SULF2: variants seen among roughly 807,000 people sequenced by gnomAD.
The protein encoded by SULF2 is sulfatase 2, also known as extracellular sulfatase Sulf-2.
A neutral mutation model predicts 107.7 loss-of-function variants in SULF2; 52 were observed. The ratio of observed to expected loss-of-function variants is 0.48; its 90% CI spans 0.39 to 0.61. SULF2 has a LOEUF of 0.61. Ranked by LOEUF, SULF2 falls within the 20% of genes least tolerant of loss-of-function variation. SULF2 has a pLI of 0.00. For missense variants in SULF2, 993 were observed against 1,177.3 expected, an observed-to-expected ratio of 0.84 and a Z score of 2.29; for synonymous variants, 460 against 464.3, an observed-to-expected ratio of 0.99 and a Z score of 0.12.
intron 1 of SULF2, among the ~76,000 whole-genome samples, chr20:47,774,619 G>A (rs1233372665): frequency 6.6e-6 from 1 of 152,142 alleles, no homozygotes; most frequent in East Asian, 1.9e-4. Context: ...TACTTATACT[G>A]GACTTTCAAA....
chr20:47,731,224 A>T (rs1600597000), intron 3 of SULF2, among the ~76,000 whole-genome samples: 1 of 93,718 alleles, frequency 1.1e-5, no homozygotes, highest in Non-Finnish European at 1.9e-5. Flanking sequence ...ACAGAGTCTT[A>T]CTCTGTCACC....
At chr20:47,758,594 C>A (rs1171457151) in intron 1 of SULF2, among the ~76,000 whole-genome samples, 1 of 152,170 alleles carries the variant, frequency 6.6e-6, no homozygotes, top group Non-Finnish European at 1.5e-5. Flanking sequence ...CCAGGTCAGA[C>A]TAGGTCACCA....
In SULF2 at chr20:47,658,267, A is replaced by G. The variant is rs757559760; in HGVS notation, c.*95T>C. ...TGCTTTCTCAGGCCTCCTGGCCAAT[A>G]CCACAGGTCTGCTGGAAATCACCCA... On this transcript the variant is annotated 3_prime_UTR_variant, in exon 21 of 21. Transcript: ENST00000688720. The G allele has an allele frequency of 8.1e-6, 11 of 1,357,642 alleles. No individual in the cohort carries two copies. The highest frequency in any genetic ancestry group is 1.2e-5 in the Non-Finnish European group (11 of 946,036). The allele number at this position is 1,357,642 out of a possible 1,614,324, so 84.1% of individuals were successfully genotyped here.
At position 47,678,949 on chromosome 20, in the gene SULF2, T is replaced by C; in HGVS notation, c.1065-145A>G. 1 of 690,320 alleles carries C rather than the reference T, an allele frequency of 1.4e-6. No individual in the cohort carries two copies. Among genetic ancestry groups the C allele is most frequent in the Non-Finnish European group, 2.5e-6 (1 of 395,676 alleles). The allele number at this position is 690,320 out of a possible 1,614,324, so 42.8% of individuals were successfully genotyped here. On this transcript the variant is annotated intron_variant, in intron 7 of 20. Coordinates refer to ENST00000688720, the MANE Select transcript of SULF2 (RefSeq NM_001387048.1). This position sits in a 1 kb window ranked among gnomAD's most constrained non-coding sequence, Gnocchi z 4.5. ...GAAGCTGCAGTCTGGCACCTCAACC[T>C]CAGCAGCTCCCCTCTGCGGCCCAGA...
At chr20:47,684,270 A>T in intron 6 of SULF2, 161 bp downstream of exon 6, 2 of 665,928 alleles carry the variant, frequency 3.0e-6, no homozygotes, top group Non-Finnish European at 2.4e-6. Context: ...TTTTGTCTGG[A>T]TTGCTCCAAG....
intron 3 of SULF2, among the ~76,000 whole-genome samples, chr20:47,710,314 A>G (rs2088885556): frequency 6.6e-6 from 1 of 150,622 alleles, no homozygotes; most frequent in Admixed American, 6.6e-5. Flanking sequence ...CTGGGAATAC[A>G]CGCATGAGCC....
chr20:47,774,511 T>G (rs2090690479), intron 1 of SULF2, among the ~76,000 whole-genome samples: 1 of 152,126 alleles, frequency 6.6e-6, no homozygotes. Context: ...AGGAGTTGAC[T>G]TTGCCCCGTA....
intron 2 of SULF2, among the ~76,000 whole-genome samples, chr20:47,751,798 T>C (rs1474535162): frequency 6.6e-6 from 1 of 152,242 alleles, no homozygotes; most frequent in Non-Finnish European, 1.5e-5. Flanking sequence ...AGAGTGGTTG[T>C]GACACACGCG....
upstream of SULF2, chr20:47,786,537 T>G (rs1172920865): frequency 2.0e-5 from 3 of 152,316 alleles, no homozygotes; most frequent in East Asian, 3.9e-4. Flanking sequence ...CAAACCGAGC[T>G]GCCTGTGCGC....
chr20:47,690,345 A>G (rs2088155641), intron 4 of SULF2, 50 bp from the exon 5 acceptor site: 1 of 1,345,770 alleles, frequency 7.4e-7, no homozygotes, highest in Non-Finnish European at 9.7e-7. Flanking sequence ...AGGTATTCAT[A>G]CTGGTGTCCA....
chr20:47,696,272 T>C (rs916407756), intron 4 of SULF2, among the ~76,000 whole-genome samples: 20 of 152,226 alleles, frequency 1.3e-4, no homozygotes, highest in African/African-American at 4.8e-4. Context: ...TCAAACAGTA[T>C]CTGGTACATG....
intron 2 of SULF2, among the ~76,000 whole-genome samples, chr20:47,738,332 A>T (rs986887200): frequency 6.6e-6 from 1 of 152,030 alleles, no homozygotes; most frequent in African/African-American, 2.4e-5. Flanking sequence ...TTCCATGGAA[A>T]CCCTCTCTCC....
chr20:47,692,950 A>G (rs890960346), intron 4 of SULF2, among the ~76,000 whole-genome samples: 2 of 152,184 alleles, frequency 1.3e-5, no homozygotes, highest in African/African-American at 4.8e-5. Flanking sequence ...CTAACCTCAT[A>G]TATTTTTGAG....
chr20:47,692,276 A>G (rs1311478802), intron 4 of SULF2, among the ~76,000 whole-genome samples: 2 of 152,184 alleles, frequency 1.3e-5, no homozygotes, highest in Admixed American at 1.3e-4. Context: ...TCATATATCT[A>G]CAGACACTCT....
chr20:47,777,428 T>C (rs78337798), intron 1 of SULF2, among the ~76,000 whole-genome samples: 2,933 of 152,190 alleles, frequency 0.019, 106 homozygotes, highest in African/African-American at 0.068. Context: ...GTGGCAGCCA[T>C]ATTGAGACTA....
chr20:47,736,684 T>C lies in SULF2; in HGVS notation c.415+19A>G, dbSNP rs1182928039. ...CTGGCTGTCACTCCCTTCCTGCACC[T>C]GCCCCCGTCCCTGCTCACCTGTCCG... is the stretch of plus-strand genomic sequence containing the variant. On this transcript the variant is annotated intron_variant, in intron 3 of 20. Transcript: ENST00000688720. 1 of 1,613,788 alleles carries C rather than the reference T, an allele frequency of 6.2e-7. No individual in the cohort carries two copies. The highest frequency in any genetic ancestry group is 1.3e-5 in the African/African-American group (1 of 74,922).
intron 3 of SULF2, 46 bp downstream of exon 3, chr20:47,736,657 C>T (rs1349273604): frequency 6.2e-6 from 10 of 1,610,284 alleles, no homozygotes; most frequent in Non-Finnish European, 7.6e-6. Context: ...GGGACGCCCG[C>T]CCTGGCTGTC....
At chr20:47,735,786 C>A (rs531873871) in intron 3 of SULF2, among the ~76,000 whole-genome samples, 2 of 152,324 alleles carry the variant, frequency 1.3e-5, no homozygotes, top group Admixed American at 6.5e-5. Context: ...CCTGCCAGCC[C>A]ACACTGTGTA....
chr20:47,699,639 G>A (rs1054571916), intron 4 of SULF2, among the ~76,000 whole-genome samples: 1 of 152,142 alleles, frequency 6.6e-6, no homozygotes, highest in African/African-American at 2.4e-5. Flanking sequence ...AGTCCCCGGA[G>A]GGTGCTGGCA....
Sources: gnomAD v4.1 joint callset for allele counts (sites outside exome capture counted in the v4.1 genomes callset) on GRCh38, gnomAD v4.1.1 for gene constraint, Gnocchi (gnomAD v3.1) non-coding constraint, MANE v1.5 for transcripts, NCBI Gene and HGNC (gene_info 2026-07-23, HGNC 2026-07-21) for gene names.